The following MGAM variants were observed in gnomAD, a reference collection of about 807,000 sequenced individuals.
The protein encoded by MGAM is maltase-glucoamylase.
Under a neutral mutation model 358.8 loss-of-function variants are expected in MGAM, and 253 were observed. That is an observed-to-expected ratio of 0.71 (90% CI 0.64 to 0.78). MGAM has a LOEUF of 0.78. Ranked by LOEUF, MGAM falls within the 30% of genes least tolerant of loss-of-function variation. MGAM has a pLI of 0.00. For synonymous variants in MGAM, 1,105 were observed against 1,227.1 expected (o/e 0.90, Z 2.08); for missense variants, 3,080 against 3,432.6 (o/e 0.90, Z 2.57).
intron 3 of MGAM, among the ~76,000 whole-genome samples, chr7:142,015,049 T>C (rs994537127): frequency 6.6e-6 from 1 of 152,160 alleles, no homozygotes; most frequent in Admixed American, 6.5e-5. Flanking sequence ...ACTGTCATTT[T>C]CTGTATCTTC....
chr7:141,992,627 AG>A (rs1554447560), upstream of MGAM, among the ~76,000 whole-genome samples: 1 of 152,128 alleles, frequency 6.6e-6, no homozygotes, highest in Non-Finnish European at 1.5e-5. Flanking sequence ...CTGTTACCCA[AG>A]CTGGGCTGCA....
chr7:142,063,394 G>C, intron 35 of MGAM, 105 bp from the exon 36 acceptor site: 1 of 1,358,452 alleles, frequency 7.4e-7, no homozygotes, highest in South Asian at 1.3e-5. Flanking sequence ...GGCATCTACA[G>C]AGATTACTGG....
At position 142,042,608 on chromosome 7, in the gene MGAM, T is replaced by G. The variant is rs1809074824; in HGVS notation, c.2498+1762T>G. Reference sequence around the variant, plus strand: ...ATATATACATATTATATATAATATATAATATATATTATATATACATATTAT... The same window carrying G: ...ATATATACATATTATATATAATATAGAATATATATTATATATACATATTAT... On this transcript the variant is annotated intron_variant, in intron 21 of 70. Coordinates refer to ENST00000475668, the MANE Select transcript of MGAM (RefSeq NM_001365693.1). Among the ~76,000 whole-genome samples, 8 of 34,218 alleles carry G rather than the reference T, an allele frequency of 2.3e-4. 2 individuals are homozygous for G. In the Admixed American group the frequency reaches 4.3e-3, roughly 18 times the overall value. 22.4% of individuals were successfully genotyped at this position (34,218 alleles called of 152,430 possible). A position where few individuals can be genotyped will look rare whatever the true frequency, so the allele number is the denominator to read the frequency against.
rs751160051 is a variant in MGAM, at chr7:142,103,451, G to C, written c.8184+12G>C. 2 of 1,581,068 alleles carry C rather than the reference G, an allele frequency of 1.3e-6. No homozygotes were observed. Among genetic ancestry groups the C allele is most frequent in the South Asian group, 2.3e-5 (2 of 85,206 alleles). Reference sequence around the variant, plus strand: ...ACCCCACGACACAGGTTTGTGACCAGCAAAAAGTGCGAATGGTATTCTCCA... The same window carrying C: ...ACCCCACGACACAGGTTTGTGACCACCAAAAAGTGCGAATGGTATTCTCCA... On this transcript the variant is annotated intron_variant, in intron 70 of 70. Coordinates refer to ENST00000475668, the MANE Select transcript of MGAM (RefSeq NM_001365693.1).
At chr7:142,098,546 G>A (rs1304183273) in intron 66 of MGAM, among the ~76,000 whole-genome samples, 1 of 152,084 alleles carries the variant, frequency 6.6e-6, no homozygotes, top group Non-Finnish European at 1.5e-5. Flanking sequence ...AGAAGGATGT[G>A]CATTTTGTTC....
Position 142,094,828 on chromosome 7 carries a change from C to T in MGAM, c.7423C>T (p.Pro2475Ser), listed in dbSNP as rs1370309555. 4 of 1,613,774 alleles carry T rather than the reference C, an allele frequency of 2.5e-6. No individual in the cohort carries two copies. Among genetic ancestry groups the T allele is most frequent in the Non-Finnish European group, 2.5e-6 (3 of 1,179,874 alleles). Residue 2475 changes from proline (P) to serine (S), a missense_variant, in exon 63 of 71, where the codon CCC becomes TCC. This residue lies in a region of MGAM where 932 missense variants were observed against 1,198.2 expected (regional missense o/e 0.78). Coordinates refer to ENST00000475668, the MANE Select transcript of MGAM (RefSeq NM_001365693.1). ...VRWMQLGAFY[P>S]FSRNHNTIGT... ...CTGGATGCAGCTGGGGGCCTTTTACCCCTTCTCAAGAAACCACAACACCAT... is the reference window on the plus strand; with the variant it reads ...CTGGATGCAGCTGGGGGCCTTTTACTCCTTCTCAAGAAACCACAACACCAT...
rs779529006 is a variant in MGAM at position 142,094,478 on chromosome 7, G to A, written c.7287G>A (p.Gln2429=). The change falls in exon 61 of 71, where the codon CAG becomes CAA. Residue 2429 remains glutamine (Q), a synonymous_variant. Coordinates refer to ENST00000475668, the MANE Select transcript of MGAM (RefSeq NM_001365693.1). ...WLGDNTAAWD[Q]LKKSIIGMME... is the part of the protein sequence containing the mutation. ...GAGACAACACAGCCGCGTGGGATCA[G>A]CTGAAGAAGTCTATCATTGGTGCGT... The A allele has an allele frequency of 1.8e-5, 28 of 1,540,180 alleles. 3 individuals are homozygous for A. Among genetic ancestry groups the A allele is most frequent in the Non-Finnish European group, 2.4e-5 (27 of 1,124,144 alleles).
rs543196072 is a variant in MGAM, at chr7:142,078,548, T to C, written c.5646+78T>C. On this transcript the variant is annotated intron_variant, in intron 48 of 70. Transcript: ENST00000475668. ...AGTTTCTTAAGCATAGCAGTGGCAC[T>C]TATATAACTACTTAAAATCCATAGA... is the stretch of plus-strand genomic sequence containing the variant. The C allele has an allele frequency of 6.1e-6, 8 of 1,318,714 alleles. No individual in the cohort carries two copies. In the African/African-American group the frequency reaches 8.5e-5, roughly 14 times the overall value. The allele number at this position is 1,318,714 out of a possible 1,614,324, so 81.7% of individuals were successfully genotyped here. A position where few individuals can be genotyped will look rare whatever the true frequency, so the allele number is the denominator to read the frequency against.
intron 20 of MGAM, 56 bp from the exon 21 acceptor site, chr7:142,040,666 C>T: frequency 6.3e-7 from 1 of 1,592,822 alleles, no homozygotes; most frequent in Non-Finnish European, 8.6e-7. Context: ...TGTAGATAAT[C>T]AGTGAAGGGC....
At chr7:142,102,577 T>A in intron 68 of MGAM, 53 bp from the exon 69 acceptor site, 1 of 1,528,028 alleles carries the variant, frequency 6.5e-7, no homozygotes, top group Non-Finnish European at 9.0e-7. Flanking sequence ...TTCTATAGCA[T>A]AGAGTTCTAC....
chr7:142,083,660 G>A (rs900924454), intron 53 of MGAM, among the ~76,000 whole-genome samples: 24 of 146,024 alleles, frequency 1.6e-4, no homozygotes, highest in African/African-American at 5.6e-4. Flanking sequence ...TAGTATGGTG[G>A]TGGTGGTATT....
intron 33 of MGAM, 80 bp downstream of exon 33, chr7:142,060,046 C>G (rs4341082): frequency 7.2e-7 from 1 of 1,387,548 alleles, no homozygotes; most frequent in African/African-American, 1.5e-5. Context: ...GTGGGTCACA[C>G]GCCTGTGTAT....
At position 142,076,280 on chromosome 7, in the gene MGAM, G is replaced by A. The variant is rs144482235; in HGVS notation, c.5325+28G>A. 9.4e-4 allele frequency: 1,407 copies of A among 1,500,780 alleles called. 76 individuals are homozygous for A. In the African/African-American group the frequency reaches 0.014, roughly 15 times the overall value. The allele number at this position is 1,500,780 out of a possible 1,614,324, so 93.0% of individuals were successfully genotyped here. A position where few individuals can be genotyped will look rare whatever the true frequency, so the allele number is the denominator to read the frequency against. On this transcript the variant is annotated intron_variant, in intron 46 of 70. Coordinates refer to ENST00000475668, the MANE Select transcript of MGAM (RefSeq NM_001365693.1). ...GAGTAGCATATTTTTATGAATCTTA[G>A]GTGTGGGCTTTGGACTGACCATTAG...
upstream of MGAM, among the ~76,000 whole-genome samples, chr7:141,995,127 C>T (rs73153945): frequency 0.011 from 1,740 of 152,190 alleles, 28 homozygotes; most frequent in African/African-American, 0.04. Flanking sequence ...CTTATGAATG[C>T]GCCTTTAAGC....
In MGAM at chr7:142,045,787, A is replaced by ATATAT. The variant is rs1563159329; in HGVS notation, c.2499-1998_2499-1997insTATAT. ...CATACAATGTATGAATATATAATAT[A>ATATAT]CATATCGTATATACATACAATGTAT... is the stretch of plus-strand genomic sequence containing the variant. On this transcript the variant is annotated intron_variant, in intron 21 of 70. Coordinates refer to ENST00000475668, the MANE Select transcript of MGAM (RefSeq NM_001365693.1). 8.2e-5 allele frequency among the ~76,000 whole-genome samples: 10 copies of ATATAT among 121,438 alleles called. 4 individuals are homozygous for ATATAT. Among genetic ancestry groups the ATATAT allele is most frequent in the African/African-American group, 3.4e-4 (10 of 29,322 alleles). 79.7% of individuals were successfully genotyped at this position (121,438 alleles called of 152,430 possible).
chr7:142,100,773 G>T, intron 67 of MGAM, 29 bp from the exon 68 acceptor site: 1 of 1,587,938 alleles, frequency 6.3e-7, no homozygotes, highest in Non-Finnish European at 8.6e-7. Flanking sequence ...TTTACTTTTA[G>T]CTAATGCCTC....
At chr7:142,100,929 G>C (rs781254773) in intron 68 of MGAM, 39 bp downstream of exon 68, 1 of 1,557,396 alleles carries the variant, frequency 6.4e-7, no homozygotes, top group African/African-American at 1.4e-5. Context: ...TGATGGCACT[G>C]ACTACATTCC....
Position 142,021,720 on chromosome 7 carries a change from A to C in MGAM, c.693A>C (p.Arg231Ser), listed in dbSNP as rs370942363. 64 of 1,613,830 alleles carry C rather than the reference A, an allele frequency of 4.0e-5. No homozygotes were observed. The highest frequency in any genetic ancestry group is 5.4e-5 in the Non-Finnish European group (64 of 1,179,826). ...RQPFSIKVTR[R>S]SNNRVLFDSS... ...CATTTAGCATCAAAGTGACCAGAAG[A>C]AGCAACAATCGTGTTTTGTAAGTTT... The change falls in exon 6 of 71, where the codon AGA becomes AGC. Residue 231 changes from arginine to serine, a missense_variant. Around this residue, in one of 5 missense-constraint regions of MGAM, gnomAD observed 1,816 missense variants for 1,840.5 expected, o/e 0.99. Coordinates refer to ENST00000475668, the MANE Select transcript of MGAM (RefSeq NM_001365693.1).
At position 142,074,125 on chromosome 7, in the gene MGAM, A is replaced by G. The variant is rs767800715; in HGVS notation, c.5227A>G (p.Asn1743Asp). ...PLGLIIALDE[N>D]KEAKGELFWD... is the part of the protein sequence containing the mutation. ...TGGTCTTATTATTGCCCTAGATGAA[A>G]ACAAAGAAGCAAAAGGAGAACTTTT... The change falls in exon 45 of 71, where the codon AAC (asparagine) becomes GAC (aspartate). Residue 1743 changes from asparagine to aspartate, a missense_variant. Coordinates refer to ENST00000475668, the MANE Select transcript of MGAM (RefSeq NM_001365693.1). 1.3e-6 allele frequency: 2 copies of G among 1,546,414 alleles called. No individual in the cohort carries two copies. The highest frequency in any genetic ancestry group is 1.8e-6 in the Non-Finnish European group (2 of 1,127,690).
Sources: allele counts gnomAD v4.1 joint callset (sites outside exome capture counted in the v4.1 genomes callset), GRCh38; gene constraint gnomAD v4.1.1; regional missense constraint gnomAD v4.1.1; transcripts MANE v1.5; gene names NCBI Gene and HGNC (gene_info 2026-07-23, HGNC 2026-07-21).